The following AFF2 variants were observed in gnomAD, a reference collection of about 807,000 sequenced individuals.
AFF2 encodes AF4/FMR2 family member 2.
Under a neutral mutation model 76.9 loss-of-function variants are expected in AFF2, and 14 were observed. The observed-to-expected ratio is 0.18, with a 90% CI of 0.12 to 0.28. AFF2 has a LOEUF of 0.28. AFF2 is among the 10% of genes least tolerant of loss of function. The pLI is 1.00. For synonymous variants in AFF2, 398 were observed against 366.7 expected, an observed-to-expected ratio of 1.09 and a Z score of -0.98; for missense variants, 868 against 1,001.1, an observed-to-expected ratio of 0.87 and a Z score of 1.79.
chrX:148,956,809 G>A (rs1386502548), intron 11 of AFF2, among the ~76,000 whole-genome samples, 196 bp downstream of exon 11: 1 of 112,926 alleles, frequency 8.9e-6, no homozygotes, highest in African/African-American at 3.2e-5. Context: ...TGTAGCCAGT[G>A]GCAAGAGTGT....
chrX:148,541,348 C>T lies in AFF2; in HGVS notation c.47+40204C>T, dbSNP rs150770198. On this transcript the variant is annotated intron_variant, in intron 1 of 20. Coordinates refer to ENST00000370460, the MANE Select transcript of AFF2 (RefSeq NM_002025.4). ...TTTTGTTCGCCTAATTCTGATTCCT[C>T]GTGCTGACTGGCATGAGACAGGGAG... 4.8e-3 allele frequency among the ~76,000 whole-genome samples: 535 copies of T among 111,947 alleles called. 4 individuals are homozygous for T. Among genetic ancestry groups the T allele is most frequent in the African/African-American group, 0.017 (515 of 30,818 alleles).
chrX:148,636,484 G>C (rs188142605), intron 1 of AFF2, among the ~76,000 whole-genome samples: 1 of 112,128 alleles, frequency 8.9e-6, no homozygotes, highest in Non-Finnish European at 1.9e-5. Flanking sequence ...TGCAGAGCAT[G>C]GGCCTGCACC....
chrX:148,559,287 A>T (rs1439099089), intron 1 of AFF2, among the ~76,000 whole-genome samples: 3 of 111,537 alleles, frequency 2.7e-5, no homozygotes, highest in Non-Finnish European at 5.7e-5. Flanking sequence ...ATTTTTTTTT[A>T]AACTTTAAGT....
chrX:148,893,015 A>G (rs1220724127), intron 8 of AFF2, among the ~76,000 whole-genome samples: 1 of 112,089 alleles, frequency 8.9e-6, no homozygotes, highest in Non-Finnish European at 1.9e-5. Flanking sequence ...CTTTTAATGT[A>G]AACAGTTTAT....
chrX:148,958,219 A>C (rs2072064730), intron 11 of AFF2, 118 bp from the exon 12 acceptor site: 3 of 984,264 alleles, frequency 3.0e-6, no homozygotes, highest in Admixed American at 2.7e-5. Context: ...TCACCTACCT[A>C]ATCTAGAAGT....
intron 3 of AFF2, among the ~76,000 whole-genome samples, chrX:148,800,627 C>G (rs376945925): frequency 9.0e-6 from 1 of 110,797 alleles, no homozygotes; most frequent in African/African-American, 3.3e-5. Flanking sequence ...CTTTTTTAAA[C>G]GGGGTTATGG....
chrX:148,961,831 T>C (rs1399323336), intron 12 of AFF2, among the ~76,000 whole-genome samples: 4 of 112,837 alleles, frequency 3.5e-5, no homozygotes, highest in African/African-American at 1.3e-4. Context: ...ATATTAGTTG[T>C]CTAAGCAAAG....
chrX:148,825,120 T>G, intron 4 of AFF2, among the ~76,000 whole-genome samples: 1 of 111,371 alleles, frequency 9.0e-6, no homozygotes, highest in Middle Eastern at 4.6e-3. Context: ...CACCAAATTA[T>G]AATGGACTTC....
At chrX:148,985,503 C>T (rs1405577774) in intron 19 of AFF2, among the ~76,000 whole-genome samples, 1 of 108,489 alleles carries the variant, frequency 9.2e-6, no homozygotes, top group Admixed American at 9.9e-5. Flanking sequence ...ACAACTTTGT[C>T]ATTTTCTCTA....
rs373638965 is a variant in AFF2, at chrX:148,715,464, A to G, written c.1041+52696A>G. Among the ~76,000 whole-genome samples, 8 of 111,127 alleles carry G rather than the reference A, an allele frequency of 7.2e-5. No individual in the cohort carries two copies. In the East Asian group the frequency reaches 1.4e-3, roughly 20 times the overall value. On this transcript the variant is annotated intron_variant, in intron 3 of 20. Coordinates refer to ENST00000370460, the MANE Select transcript of AFF2 (RefSeq NM_002025.4). ...CAGACATACACACACACATGCGTGC[A>G]TGCTCCGGATGATTCCAAGCATAGC...
At chrX:148,788,438 T>A (rs1021335366) in intron 3 of AFF2, among the ~76,000 whole-genome samples, 11 of 111,901 alleles carry the variant, frequency 9.8e-5, no homozygotes, top group African/African-American at 3.2e-4. Context: ...AAATTTGCAT[T>A]ATTGCAGGTC....
chrX:148,581,389 T>TCTACGTGTACACAC lies in AFF2; in HGVS notation c.48-70610_48-70609insCTACGTGTACACAC, dbSNP rs2053394889. On this transcript the variant is annotated intron_variant, in intron 1 of 20. Coordinates refer to ENST00000370460, the MANE Select transcript of AFF2 (RefSeq NM_002025.4). ...GTATACGTGTACACACATATACACG[T>TCTACGTGTACACAC]ATATACGTATACGTGTACACACATA... 8.0e-5 allele frequency among the ~76,000 whole-genome samples: 2 copies of TCTACGTGTACACAC among 25,091 alleles called. 1 individual carries two copies. Among genetic ancestry groups the TCTACGTGTACACAC allele is most frequent in the African/African-American group, 2.0e-4 (2 of 9,836 alleles). 21.8% of individuals were successfully genotyped at this position (25,091 alleles called of 115,157 possible).
intron 20 of AFF2, among the ~76,000 whole-genome samples, chrX:148,989,463 CG>C (rs2072510982): frequency 8.9e-6 from 1 of 111,959 alleles, no homozygotes; most frequent in East Asian, 2.8e-4. Context: ...AAAACAACTC[CG>C]TCACTCTACC....
intron 3 of AFF2, among the ~76,000 whole-genome samples, chrX:148,742,965 A>G (rs782624039): frequency 2.2e-4 from 24 of 110,893 alleles, no homozygotes; most frequent in Non-Finnish European, 3.8e-5. Context: ...CTTCCTTTTT[A>G]CTTCTTTTTG....
chrX:148,827,828 T>G (rs183405811), intron 4 of AFF2, among the ~76,000 whole-genome samples: 1 of 111,918 alleles, frequency 8.9e-6, no homozygotes, highest in African/African-American at 3.2e-5. Context: ...AGACACTCAA[T>G]AAATGTTTTC....
chrX:148,501,953 C>G, intron 1 of AFF2, among the ~76,000 whole-genome samples: 1 of 112,159 alleles, frequency 8.9e-6, no homozygotes, highest in Non-Finnish European at 1.9e-5. Flanking sequence ...CTAAACTTGT[C>G]GCTGAGACAT....
intron 3 of AFF2, among the ~76,000 whole-genome samples, chrX:148,763,464 C>T (rs1354981665): frequency 9.1e-6 from 1 of 109,729 alleles, no homozygotes; most frequent in East Asian, 2.8e-4. Flanking sequence ...TCTTATCTTC[C>T]ACCTGATTTT....
At chrX:148,887,154 A>G (rs781823544) in intron 8 of AFF2, among the ~76,000 whole-genome samples, 2 of 113,119 alleles carry the variant, frequency 1.8e-5, no homozygotes, top group African/African-American at 6.4e-5. Context: ...TGCTTTATCA[A>G]GAACAACCAC....
At chrX:148,759,319 A>G (rs957049766) in intron 3 of AFF2, among the ~76,000 whole-genome samples, 30 of 112,393 alleles carry the variant, frequency 2.7e-4, no homozygotes, top group African/African-American at 9.7e-4. Context: ...ACACAATTAT[A>G]AACCATTCTA....
Sources: gnomAD v4.1 joint callset for allele counts (sites outside exome capture counted in the v4.1 genomes callset) on GRCh38, gnomAD v4.1.1 for gene constraint, MANE v1.5 for transcripts, NCBI Gene and HGNC (gene_info 2026-07-23, HGNC 2026-07-21) for gene names.